Variants in CCDC171 observed in about 807,000 individuals in gnomAD.
The protein encoded by CCDC171 is coiled-coil domain-containing protein 171.
Under a neutral mutation model 168.2 loss-of-function variants are expected in CCDC171, and 177 were observed. That is an observed-to-expected ratio of 1.05 (90% CI 0.93 to 1.19). The LOEUF is 1.19. Ranked by LOEUF, CCDC171 falls within the 50% of genes most tolerant of loss-of-function variation. The pLI is 0.00. For synonymous variants in CCDC171, 687 were observed against 540.8 expected (o/e 1.27, Z -3.75); for missense variants, 1,991 against 1,539.0 (o/e 1.29, Z -4.91).
intron 6 of CCDC171, among the ~76,000 whole-genome samples, chr9:16,024,307 C>G (rs1833233232): frequency 6.6e-6 from 1 of 152,074 alleles, no homozygotes; most frequent in African/African-American, 2.4e-5. Flanking sequence ...TACCTTAATC[C>G]TATCCTACCT....
chr9:15,834,539 A>G (rs911439312), intron 21 of CCDC171, among the ~76,000 whole-genome samples: 1 of 152,196 alleles, frequency 6.6e-6, no homozygotes, highest in African/African-American at 2.4e-5. Context: ...AACAAATTGC[A>G]TTTTATTTTA....
intron 21 of CCDC171, among the ~76,000 whole-genome samples, chr9:15,797,151 C>T (rs2058597139): frequency 6.6e-6 from 1 of 152,096 alleles, no homozygotes; most frequent in South Asian, 2.1e-4. Flanking sequence ...TAATCATCTT[C>T]TAGTGTACTT....
intron 16 of CCDC171, among the ~76,000 whole-genome samples, chr9:15,739,726 T>C (rs1407498625): frequency 6.7e-6 from 1 of 149,166 alleles, no homozygotes; most frequent in Non-Finnish European, 1.5e-5. Flanking sequence ...GACAAAATTA[T>C]TTATGTAATA....
intron 24 of CCDC171, among the ~76,000 whole-genome samples, chr9:15,899,773 T>C (rs1821382758): frequency 6.6e-6 from 1 of 152,166 alleles, no homozygotes; most frequent in South Asian, 2.1e-4. Context: ...ATCAGATGTG[T>C]GGTTTGCAAA....
chr9:15,902,072 T>C (rs1821745962), intron 24 of CCDC171, among the ~76,000 whole-genome samples: 1 of 152,268 alleles, frequency 6.6e-6, no homozygotes, highest in Middle Eastern at 3.4e-3. Context: ...AGAAACATTC[T>C]AGCTAGAAGA....
chr9:15,824,385 T>C (rs1289254735), intron 21 of CCDC171, among the ~76,000 whole-genome samples: 1 of 152,068 alleles, frequency 6.6e-6, no homozygotes, highest in Non-Finnish European at 1.5e-5. Context: ...TCTGTCACGA[T>C]GTTTATTGTT....
intron 25 of CCDC171, among the ~76,000 whole-genome samples, chr9:15,937,053 G>A (rs183939760): frequency 1.6e-4 from 25 of 152,158 alleles, no homozygotes; most frequent in African/African-American, 6.0e-4. Flanking sequence ...AAAACAGTAA[G>A]TTTTGAATAG....
chr9:15,829,925 A>C (rs1030410340), intron 21 of CCDC171, among the ~76,000 whole-genome samples: 1 of 152,228 alleles, frequency 6.6e-6, no homozygotes, highest in Non-Finnish European at 1.5e-5. Flanking sequence ...GCTCAAAAAA[A>C]TGTGCAATAA....
At chr9:15,705,344 CT>C (rs1464170778) in intron 11 of CCDC171, among the ~76,000 whole-genome samples, 1 of 152,120 alleles carries the variant, frequency 6.6e-6, no homozygotes, top group Non-Finnish European at 1.5e-5. Context: ...TTGTAAGGTC[CT>C]GTGCTTTACT....
At chr9:15,870,479 A>C (rs1482960166) in intron 23 of CCDC171, among the ~76,000 whole-genome samples, 1 of 151,946 alleles carries the variant, frequency 6.6e-6, no homozygotes, top group Non-Finnish European at 1.5e-5. Context: ...ATTGAAGCAG[A>C]TTAAAAGTAT....
intron 23 of CCDC171, among the ~76,000 whole-genome samples, chr9:15,865,324 TATACATAC>T (rs556960142): frequency 6.6e-6 from 1 of 151,886 alleles, no homozygotes; most frequent in Non-Finnish European, 1.5e-5. Flanking sequence ...GGGAAACAAA[TATACATAC>T]ATACATACAT....
At chr9:15,928,343 G>C (rs1486803970) in intron 25 of CCDC171, among the ~76,000 whole-genome samples, 2 of 151,694 alleles carry the variant, frequency 1.3e-5, no homozygotes, top group Non-Finnish European at 3.0e-5. Context: ...GATTACGTCG[G>C]AGTTGACATG....
At chr9:15,879,878 A>C (rs753349382) in intron 24 of CCDC171, among the ~76,000 whole-genome samples, 2 of 152,142 alleles carry the variant, frequency 1.3e-5, no homozygotes. Context: ...TAAGGCTTTT[A>C]ATACACATTC....
At chr9:15,833,504 T>C (rs975957574) in intron 21 of CCDC171, among the ~76,000 whole-genome samples, 10 of 152,334 alleles carry the variant, frequency 6.6e-5, no homozygotes, top group South Asian at 2.1e-4. Flanking sequence ...AAGTCTTTCA[T>C]TTCTTTAAAT....
chr9:15,988,074 C>G (rs1354920047), intron 3 of CCDC171, among the ~76,000 whole-genome samples: 2 of 152,132 alleles, frequency 1.3e-5, no homozygotes, highest in Non-Finnish European at 2.9e-5. Flanking sequence ...CACATCAGTA[C>G]TTAACAATAA....
In CCDC171 at chr9:15,992,459, T is replaced by C. The variant is rs1051067650; in HGVS notation, n.369-28130T>C. The stretch of plus-strand genomic sequence containing the variant: ...GGATGTATCTCAAAATAATAAGAGC[T>C]ATTTATGACAAACCCATAGTCAATA... On this transcript the variant is annotated intron_variant and non_coding_transcript_variant, in intron 3 of 9. Transcript: ENST00000486641. Among the ~76,000 whole-genome samples, 5 of 152,294 alleles carry C rather than the reference T, an allele frequency of 3.3e-5. No homozygotes were observed. In the South Asian group the frequency reaches 1.0e-3, roughly 32 times the overall value.
chr9:15,647,304 G>T (rs1355747459), intron 7 of CCDC171, among the ~76,000 whole-genome samples: 2 of 152,070 alleles, frequency 1.3e-5, no homozygotes, highest in Non-Finnish European at 2.9e-5. Context: ...AAGCAGGAAA[G>T]ATCTAAAATC....
chr9:15,747,331 C>G (rs1053736871), intron 18 of CCDC171, among the ~76,000 whole-genome samples: 2 of 152,190 alleles, frequency 1.3e-5, no homozygotes, highest in East Asian at 1.9e-4. Context: ...CTTCTGCAGA[C>G]TTAAACATTC....
intron 7 of CCDC171, among the ~76,000 whole-genome samples, chr9:15,649,075 G>C (rs1235384984): frequency 6.6e-6 from 1 of 152,144 alleles, no homozygotes; most frequent in South Asian, 2.1e-4. Context: ...ACAGAACGGA[G>C]CTCTCAGAAG....
Sources: allele counts gnomAD v4.1 joint callset (sites outside exome capture counted in the v4.1 genomes callset), GRCh38; gene constraint gnomAD v4.1.1; transcripts MANE v1.5; gene names NCBI Gene and HGNC (gene_info 2026-07-23, HGNC 2026-07-21).